The following BCAN variants were observed in gnomAD, a reference collection of about 807,000 sequenced individuals.
BCAN encodes the protein brevican, also known as brevican core protein.
BCAN carries 51 observed loss-of-function variants against 92.4 expected under a neutral mutation model. The observed-to-expected ratio is 0.55, with a 90% CI of 0.44 to 0.70. The LOEUF (loss-of-function observed/expected upper bound fraction) is 0.70. Among genes scored for constraint, BCAN ranks in the 30% least tolerant of loss-of-function variants. BCAN has a pLI of 0.00. For missense variants in BCAN, 1,140 were observed against 1,212.1 expected, an observed-to-expected ratio of 0.94 and a Z score of 0.88; for synonymous variants, 501 against 505.2, an observed-to-expected ratio of 0.99 and a Z score of 0.11.
chr1:156,647,737 C>T lies in BCAN; in HGVS notation c.641+55C>T, dbSNP rs1679032449. On this transcript the variant is annotated intron_variant, in intron 4 of 13. Transcript: ENST00000329117. The surrounding 1 kb of genome is among the most constrained non-coding windows in gnomAD (Gnocchi z 4.8). ...ATTGGCCCCTGAGGTGGCCATGGCC[C>T]CCCTTCTGCTGGGTGCTGCCTGCTG... 8 of 1,553,248 alleles carry T rather than the reference C, an allele frequency of 5.2e-6. 1 individual carries two copies. Among genetic ancestry groups the T allele is most frequent in the South Asian group, 4.8e-5 (4 of 83,252 alleles).
rs149783641 is a variant in BCAN at position 156,644,444 on chromosome 1, T to G, written c.-8-1603T>G. 4.5e-3 allele frequency: 693 copies of G among 152,660 alleles called. 11 individuals carry two copies. The highest frequency in any genetic ancestry group is 0.016 in the African/African-American group (653 of 41,532). The allele number at this position is 152,660 out of a possible 1,614,324, so 9.5% of individuals were successfully genotyped here. ...CCAGCACCCGGTGGGCACTGGCTGCTCCTGCCCAATGGTCCCCACTCCAGC... is the reference window on the plus strand; with the variant it reads ...CCAGCACCCGGTGGGCACTGGCTGCGCCTGCCCAATGGTCCCCACTCCAGC... On this transcript the variant is annotated intron_variant, in intron 1 of 13. Coordinates refer to ENST00000329117, the MANE Select transcript of BCAN (RefSeq NM_021948.5).
At chr1:156,657,898 TG>T in intron 11 of BCAN, 141 bp downstream of exon 11, 1 of 802,518 alleles carries the variant, frequency 1.2e-6, no homozygotes, top group Non-Finnish European at 1.9e-6. Flanking sequence ...CTCTTCTCCC[TG>T]GGCTCTCCTC....
At chr1:156,650,128 A>G (rs899431311) in intron 6 of BCAN, among the ~76,000 whole-genome samples, 3 of 150,574 alleles carry the variant, frequency 2.0e-5, no homozygotes, top group Admixed American at 6.6e-5. Flanking sequence ...GAACAGGGGT[A>G]GTAGTAGTAG....
rs1284397468 is a variant in BCAN, at chr1:156,647,303, A to T, written c.466+128A>T. The T allele has an allele frequency of 7.9e-7, 1 of 1,266,632 alleles. No homozygotes were observed. The highest frequency in any genetic ancestry group is 2.6e-5 in the East Asian group (1 of 38,384). 78.5% of individuals were successfully genotyped at this position (1,266,632 alleles called of 1,614,324 possible). On this transcript the variant is annotated intron_variant, in intron 3 of 13. Transcript: ENST00000329117. The surrounding 1 kb of genome is among the most constrained non-coding windows in gnomAD (Gnocchi z 4.8). ...AAGGCGCAGCCTGGGTTGGAAAAAG[A>T]GTGAGGAGACACGGGCCTTTGTTGT...
At chr1:156,654,781 G>C (rs983433525) in intron 8 of BCAN, among the ~76,000 whole-genome samples, 1 of 152,172 alleles carries the variant, frequency 6.6e-6, no homozygotes, top group African/African-American at 2.4e-5. Flanking sequence ...TGTGGGGCCT[G>C]GTGCTTAATG....
chr1:156,648,379 G>C (rs1679054290), intron 5 of BCAN, among the ~76,000 whole-genome samples, 189 bp from the exon 6 acceptor site: 2 of 152,132 alleles, frequency 1.3e-5, no homozygotes, highest in Admixed American at 1.3e-4. Flanking sequence ...CAAGAAGTTT[G>C]GGCCCCATCT....
intron 2 of BCAN, 100 bp from the exon 3 acceptor site, chr1:156,646,701 G>T: frequency 6.8e-7 from 1 of 1,479,492 alleles, no homozygotes. Context: ...GGGGAATCCT[G>T]GGGCCGGAAG....
chr1:156,648,169 T>C, intron 5 of BCAN, 59 bp downstream of exon 5: 1 of 1,589,686 alleles, frequency 6.3e-7, no homozygotes, highest in Non-Finnish European at 8.6e-7. Context: ...TGCCCATAGG[T>C]CCTCCCGGGG....
chr1:156,658,081 G>A lies in BCAN; in HGVS notation c.2293-46G>A, dbSNP rs777969084. On this transcript the variant is annotated intron_variant, in intron 11 of 13. Transcript: ENST00000329117. This position sits in a 1 kb window ranked among gnomAD's most constrained non-coding sequence, Gnocchi z 4.4. ...CCCAGATCCTCTAGGCCCTCTCCCG[G>A]TGCTCCTGGTGTAGGAGCTCCTCAC... 6.3e-7 allele frequency: 1 copy of A among 1,598,730 alleles called. No individual in the cohort carries two copies. The highest frequency in any genetic ancestry group is 2.2e-5 in the East Asian group (1 of 44,820).
rs762622146 is a variant in BCAN, at chr1:156,657,123, G to A, written c.2209+27G>A. 5 of 1,569,066 alleles carry A rather than the reference G, an allele frequency of 3.2e-6. No individual in the cohort carries two copies. In the South Asian group the frequency reaches 3.5e-5, roughly 11 times the overall value. On this transcript the variant is annotated intron_variant, in intron 10 of 13. Coordinates refer to ENST00000329117, the MANE Select transcript of BCAN (RefSeq NM_021948.5). The stretch of plus-strand genomic sequence containing the variant: ...TGGGCTGGGAGACAGGGCGGGAGGG[G>A]CCCCTGCCATATGCTCTCACTCTCT...
rs1205635424 is a variant in BCAN, at chr1:156,648,174, C to G, written c.769+64C>G. 4 of 1,585,920 alleles carry G rather than the reference C, an allele frequency of 2.5e-6. No homozygotes were observed. The South Asian group carries it at 3.3e-5, about 13-fold the overall frequency. On this transcript the variant is annotated intron_variant, in intron 5 of 13. Transcript: ENST00000329117. Reference sequence around the variant, plus strand: ...ACTCCCATGCTGCCCATAGGTCCTCCCGGGGCCTCTGCAGGACCTTACTAT... The same window carrying G: ...ACTCCCATGCTGCCCATAGGTCCTCGCGGGGCCTCTGCAGGACCTTACTAT...
chr1:156,652,160 T>TGAGCCCTACTTGTCTCCCCTTCCC (rs1679184710), intron 7 of BCAN, 88 bp from the exon 8 acceptor site: 1 of 1,503,742 alleles, frequency 6.7e-7, no homozygotes, highest in East Asian at 2.3e-5. Context: ...CTCACCCTCC[T>TGAGCCCTACTTGTCTCCCCTTCCC]GAGCCCTACT....
Position 156,652,561 on chromosome 1 carries a change from A to C in BCAN, c.1611A>C (p.Gly537=). ...SEASRPPRVH[G]PPTETLPTPR... is the part of the protein sequence containing the mutation. ...CTTCCAGGCCTCCAAGGGTCCATGGACCACCTACTGAGACTCTGCCCACTC... is the reference window on the plus strand; with the variant it reads ...CTTCCAGGCCTCCAAGGGTCCATGGCCCACCTACTGAGACTCTGCCCACTC... The change falls in exon 8 of 14, where the codon GGA becomes GGC. Residue 537 remains glycine (G), a synonymous_variant. Coordinates refer to ENST00000329117, the MANE Select transcript of BCAN (RefSeq NM_021948.5). 6.2e-7 allele frequency: 1 copy of C among 1,614,018 alleles called. No individual in the cohort carries two copies. Among genetic ancestry groups the C allele is most frequent in the South Asian group, 1.1e-5 (1 of 91,058 alleles).
Position 156,642,269 on chromosome 1 carries a change from T to G in BCAN, c.-15T>G, listed in dbSNP as rs1260034932. 6.6e-6 allele frequency: 1 copy of G among 152,234 alleles called. No homozygotes were observed. Among genetic ancestry groups the G allele is most frequent in the Non-Finnish European group, 1.5e-5 (1 of 68,138 alleles). The allele number at this position is 152,234 out of a possible 1,614,324, so 9.4% of individuals were successfully genotyped here. On this transcript the variant is annotated 5_prime_UTR_variant, in exon 1 of 14. Coordinates refer to ENST00000329117, the MANE Select transcript of BCAN (RefSeq NM_021948.5). This position sits in a 1 kb window ranked among gnomAD's most constrained non-coding sequence, Gnocchi z 4.2. Reference sequence around the variant, plus strand: ...CAGTGCCGCGACCCAACCCCAGCCCTGGGTAGGTGAGTGCCTCCGCAGCCC... The same window carrying G: ...CAGTGCCGCGACCCAACCCCAGCCCGGGGTAGGTGAGTGCCTCCGCAGCCC...
intron 10 of BCAN, 39 bp from the exon 11 acceptor site, chr1:156,657,636 G>T: frequency 6.4e-7 from 1 of 1,554,560 alleles, no homozygotes; most frequent in Non-Finnish European, 8.7e-7. Flanking sequence ...GCCGCCATCT[G>T]CTGGCGGCTG....
In BCAN at chr1:156,647,235, C is replaced by T; in HGVS notation, c.466+60C>T. ...GAGGGAGGGAAGGGAGGACTCTTGCCTTCGGGGATCCCACAGTGTGAGAGG... is the reference window on the plus strand; with the variant it reads ...GAGGGAGGGAAGGGAGGACTCTTGCTTTCGGGGATCCCACAGTGTGAGAGG... On this transcript the variant is annotated intron_variant, in intron 3 of 13. Coordinates refer to ENST00000329117, the MANE Select transcript of BCAN (RefSeq NM_021948.5). The surrounding 1 kb of genome is among the most constrained non-coding windows in gnomAD (Gnocchi z 4.8). 1 of 1,463,006 alleles carries T rather than the reference C, an allele frequency of 6.8e-7. No individual in the cohort carries two copies. The highest frequency in any genetic ancestry group is 9.1e-7 in the Non-Finnish European group (1 of 1,101,486). 90.6% of individuals were successfully genotyped at this position (1,463,006 alleles called of 1,614,324 possible). A position where few individuals can be genotyped will look rare whatever the true frequency, so the allele number is the denominator to read the frequency against.
chr1:156,646,612 C>A, intron 2 of BCAN, 189 bp from the exon 3 acceptor site: 1 of 947,696 alleles, frequency 1.1e-6, no homozygotes, highest in Non-Finnish European at 1.5e-6. Context: ...TGGAGACCGT[C>A]GGGGTGGTCC....
At chr1:156,649,406 CTTGT>C (rs1413640623) in intron 6 of BCAN, among the ~76,000 whole-genome samples, 1 of 152,128 alleles carries the variant, frequency 6.6e-6, no homozygotes, top group African/African-American at 2.4e-5. Flanking sequence ...CATCTTATGG[CTTGT>C]TTCTTTTTTT....
intron 9 of BCAN, chr1:156,656,601 G>A: frequency 2.1e-6 from 1 of 483,300 alleles, no homozygotes; most frequent in Non-Finnish European, 3.6e-6. Flanking sequence ...TGAGACCAGT[G>A]CAAAGCATAC....
Sources: allele counts gnomAD v4.1 joint callset (sites outside exome capture counted in the v4.1 genomes callset), GRCh38; gene constraint gnomAD v4.1.1; non-coding constraint Gnocchi (gnomAD v3.1); transcripts MANE v1.5; gene names NCBI Gene and HGNC (gene_info 2026-07-23, HGNC 2026-07-21).